The following ADH4 variants were observed in gnomAD, a reference collection of about 807,000 sequenced individuals.
ADH4 encodes all-trans-retinol dehydrogenase [NAD(+)] ADH4.
A neutral mutation model predicts 35.2 loss-of-function variants in ADH4; 31 were observed. The observed-to-expected ratio is 0.88, with a 90% CI of 0.66 to 1.19. The LOEUF is 1.19. Ranked by LOEUF, ADH4 falls within the 50% of genes most tolerant of loss-of-function variation. The pLI, the probability that ADH4 is intolerant of heterozygous loss-of-function variation, is 0.00. For synonymous variants in ADH4, 171 were observed against 160.2 expected (o/e 1.07, Z -0.51); for missense variants, 476 against 458.3 (o/e 1.04, Z -0.35).
chr4:99,141,746 T>G, intron 2 of ADH4, 64 bp from the exon 3 acceptor site: 1 of 1,501,572 alleles, frequency 6.7e-7, no homozygotes, highest in Non-Finnish European at 9.1e-7. Flanking sequence ...GGATGTTACA[T>G]ATAAGATTAG....
Position 99,141,776 on chromosome 4 carries a change from C to CTTT in ADH4, c.121-97_121-95dup, listed in dbSNP as rs1729633476. 21 of 1,184,454 alleles carry CTTT rather than the reference C, an allele frequency of 1.8e-5. 1 individual carries two copies. The South Asian group carries it at 2.4e-4, about 13-fold the overall frequency. The allele number at this position is 1,184,454 out of a possible 1,614,324, so 73.4% of individuals were successfully genotyped here. Reference sequence around the variant, plus strand: ...GATTAGGCTTGATATCATTTTAAAACTTTATAAGACTTCTAGAACTCAATA... The same window carrying CTTT: ...GATTAGGCTTGATATCATTTTAAAACTTTTTTATAAGACTTCTAGAACTCAATA... On this transcript the variant is annotated intron_variant, in intron 2 of 8. Transcript: ENST00000265512.
intron 4 of ADH4, 143 bp from the exon 5 acceptor site, chr4:99,136,840 C>A (rs940758292): frequency 5.0e-6 from 3 of 605,698 alleles, no homozygotes; most frequent in African/African-American, 1.8e-5. Context: ...AACAACAAGA[C>A]TTTTCACAAA....
At position 99,139,235 on chromosome 4, in the gene ADH4, T is replaced by C. The variant is rs532756677; in HGVS notation, c.263-87A>G. Reference sequence around the variant, plus strand: ...AAATCAGTGGAAAACACCTTTTCTTTATAGTATACATTTTATATTCAGTGG... The same window carrying C: ...AAATCAGTGGAAAACACCTTTTCTTCATAGTATACATTTTATATTCAGTGG... On this transcript the variant is annotated intron_variant, in intron 3 of 8. Transcript: ENST00000265512. 12 of 807,160 alleles carry C rather than the reference T, an allele frequency of 1.5e-5. 1 individual carries two copies. Among genetic ancestry groups the C allele is most frequent in the African/African-American group, 8.7e-5 (5 of 57,754 alleles). The allele number at this position is 807,160 out of a possible 1,614,324, so 50.0% of individuals were successfully genotyped here.
intron 8 of ADH4, among the ~76,000 whole-genome samples, chr4:99,125,044 AC>A (rs1202517488): frequency 2.0e-5 from 3 of 152,134 alleles, no homozygotes; most frequent in Non-Finnish European, 4.4e-5. Flanking sequence ...ACTGGAAGAC[AC>A]CCCTACCTGT....
Position 99,134,276 on chromosome 4 carries a change from A to T in ADH4, c.582+2190T>A, listed in dbSNP as rs966659577. Among the ~76,000 whole-genome samples the T allele has an allele frequency of 3.9e-5, 6 of 152,290 alleles. No individual in the cohort carries two copies. In the East Asian group the frequency reaches 1.2e-3, roughly 29 times the overall value. On this transcript the variant is annotated intron_variant, in intron 5 of 8. Coordinates refer to ENST00000265512, the MANE Select transcript of ADH4 (RefSeq NM_000670.5). ...TATAATTAATAATAATGTATTGTAT[A>T]TCTGAAAATTGCTAAGATAGTAGAT...
intron 5 of ADH4, chr4:99,133,837 A>G (rs1011161570): frequency 9.9e-5 from 15 of 152,228 alleles, no homozygotes; most frequent in Non-Finnish European, 1.5e-5. Context: ...TTGGAAACAA[A>G]ATTACTAAGC....
In ADH4 at chr4:99,131,355, A is replaced by T. The variant is rs573138597; in HGVS notation, c.843+149T>A. 90 of 878,926 alleles carry T rather than the reference A, an allele frequency of 1.0e-4. No individual in the cohort carries two copies. The Middle Eastern group carries it at 3.6e-3, about 35-fold the overall frequency. 54.4% of individuals were successfully genotyped at this position (878,926 alleles called of 1,614,324 possible). On this transcript the variant is annotated intron_variant, in intron 6 of 8. Coordinates refer to ENST00000265512, the MANE Select transcript of ADH4 (RefSeq NM_000670.5). Reference sequence around the variant, plus strand: ...GAAGGAAATGGAGTATAGCTGAGGGAATGGGAAATGATTTGTGGCTTATAG... The same window carrying T: ...GAAGGAAATGGAGTATAGCTGAGGGTATGGGAAATGATTTGTGGCTTATAG...
chr4:99,132,230 T>G (rs1324017216), intron 5 of ADH4, among the ~76,000 whole-genome samples: 1 of 152,186 alleles, frequency 6.6e-6, no homozygotes, highest in Admixed American at 6.5e-5. Flanking sequence ...ATGAAAGCAT[T>G]TTTATTGTCT....
chr4:99,127,654 C>T (rs1729141396), intron 6 of ADH4, among the ~76,000 whole-genome samples: 1 of 151,908 alleles, frequency 6.6e-6, no homozygotes, highest in Non-Finnish European at 1.5e-5. Context: ...CATGGCAAAA[C>T]CCCGTCTCTA....
intron 5 of ADH4, among the ~76,000 whole-genome samples, chr4:99,133,197 C>G (rs944977452): frequency 2.0e-5 from 3 of 152,142 alleles, no homozygotes; most frequent in African/African-American, 7.2e-5. Flanking sequence ...TATTATACAA[C>G]TGGACCCCTG....
At chr4:99,127,176 G>A (rs9307234) in intron 7 of ADH4, 33 bp downstream of exon 7, 1,500,570 of 1,547,342 alleles carry the variant, frequency 0.97, 727,822 homozygotes, top group East Asian at 1. Context: ...ACTAGGAAAA[G>A]AATTTAAAGC....
intron 8 of ADH4, 64 bp downstream of exon 8, chr4:99,126,530 C>A: frequency 6.6e-7 from 1 of 1,504,188 alleles, no homozygotes; most frequent in Non-Finnish European, 9.0e-7. Context: ...TTCTTAACAT[C>A]AAAAAGAAGA....
In ADH4 at chr4:99,144,187, T is replaced by C. The variant is rs772343839; in HGVS notation, c.18+18A>G. On this transcript the variant is annotated intron_variant, in intron 1 of 8. Transcript: ENST00000265512. ...CAGAAAAGCACAAACTGAACAAAGA[T>C]ACAGCTTACTTGCTTACTTTGCCCT... 1.1e-5 allele frequency: 18 copies of C among 1,613,472 alleles called. No homozygotes were observed. The highest frequency in any genetic ancestry group is 1.4e-5 in the Non-Finnish European group (17 of 1,179,494).
At chr4:99,138,586 C>T (rs911536874) in intron 4 of ADH4, among the ~76,000 whole-genome samples, 2 of 152,122 alleles carry the variant, frequency 1.3e-5, no homozygotes, top group African/African-American at 2.4e-5. Context: ...CTGAATTTGG[C>T]ATTTATTATT....
intron 5 of ADH4, among the ~76,000 whole-genome samples, chr4:99,132,417 A>G (rs544821517): frequency 1.3e-5 from 2 of 152,320 alleles, no homozygotes; most frequent in Non-Finnish European, 2.9e-5. Context: ...GACTTCCAAG[A>G]CATTCTGTCT....
Position 99,126,622 on chromosome 4 carries a change from CCTCA to C in ADH4, c.1086_1089del (p.Ser362ArgfsTer5), listed in dbSNP as rs769728282. The C allele has an allele frequency of 3.9e-5, 63 of 1,607,964 alleles. No homozygotes were observed. The East Asian group carries it at 5.8e-4, about 15-fold the overall frequency. ...TTTCCTTGGTTCATTAGGTCAAATG[CCTCA>C]CTGATTTTGTCAAAAGGCAGGGTAT... On this transcript the variant is annotated frameshift_variant, in exon 8 of 9. Transcript: ENST00000265512. LOFTEE classifies it high-confidence loss of function.
At chr4:99,133,484 A>C (rs566586632) in intron 5 of ADH4, 1 of 152,346 alleles carries the variant, frequency 6.6e-6, no homozygotes, top group South Asian at 2.1e-4. Context: ...AAGTAAGTTA[A>C]ATTTTACTAA....
In ADH4 at chr4:99,131,648, C is replaced by T. The variant is rs776576303; in HGVS notation, c.699G>A (p.Glu233=). Residue 233 remains glutamate, a synonymous_variant, in exon 6 of 9, where the codon GAG becomes GAA. Transcript: ENST00000265512. ...SRIIGIDINS[E]KFVKAKALGA... Reference sequence around the variant, plus strand: ...CCAGGGCTTTAGCCTTCACAAACTTCTCACTGTTGATGTCAATACCTATGA... The same window carrying T: ...CCAGGGCTTTAGCCTTCACAAACTTTTCACTGTTGATGTCAATACCTATGA... 8 of 1,614,150 alleles carry T rather than the reference C, an allele frequency of 5.0e-6. No individual in the cohort carries two copies. Among genetic ancestry groups the T allele is most frequent in the Non-Finnish European group, 5.9e-6 (7 of 1,180,000 alleles).
intron 3 of ADH4, among the ~76,000 whole-genome samples, chr4:99,139,773 A>G (rs1266793351): frequency 1.3e-5 from 2 of 152,222 alleles, no homozygotes; most frequent in African/African-American, 2.4e-5. Context: ...TTCACACTAT[A>G]GAAAACAGAA....
Sources: allele counts gnomAD v4.1 joint callset (sites outside exome capture counted in the v4.1 genomes callset), GRCh38; gene constraint gnomAD v4.1.1; transcripts MANE v1.5; gene names NCBI Gene and HGNC (gene_info 2026-07-23, HGNC 2026-07-21).